The following ZMAT3 variants were observed in gnomAD, a reference collection of about 807,000 sequenced individuals.
ZMAT3 encodes zinc finger matrin-type protein 3.
In ZMAT3, 17 loss-of-function variants were observed where a neutral mutation model predicts 32.3. That is an observed-to-expected ratio of 0.53 (90% CI 0.36 to 0.79). The LOEUF (loss-of-function observed/expected upper bound fraction) is 0.79. ZMAT3 is among the 30% of genes least tolerant of loss of function. The pLI is 0.00. For missense variants in ZMAT3, 329 were observed against 359.7 expected, an observed-to-expected ratio of 0.91 and a Z score of 0.69; for synonymous variants, 120 against 133.1, an observed-to-expected ratio of 0.90 and a Z score of 0.68.
Position 179,024,935 on chromosome 3 carries a change from TCA to T in ZMAT3, c.*80_*81del. On this transcript the variant is annotated 3_prime_UTR_variant, in exon 6 of 6. Transcript: ENST00000311417. ...CATTAAGCAGAGGAATGTACTCATATCAAAAAGACCACAAAGCAGGGCAAGTT... is the reference window on the plus strand; with the variant it reads ...CATTAAGCAGAGGAATGTACTCATATAAAAGACCACAAAGCAGGGCAAGTT... 7.6e-7 allele frequency: 1 copy of T among 1,315,610 alleles called. No homozygotes were observed. Among genetic ancestry groups the T allele is most frequent in the South Asian group, 1.2e-5 (1 of 84,252 alleles). The allele number at this position is 1,315,610 out of a possible 1,614,324, so 81.5% of individuals were successfully genotyped here.
rs138247427 is a variant in ZMAT3, at chr3:179,070,246, T to C, written c.-58+1349A>G. Among the ~76,000 whole-genome samples, 670 of 152,328 alleles carry C rather than the reference T, an allele frequency of 4.4e-3. 1 individual carries two copies. The highest frequency in any genetic ancestry group is 0.016 in the African/African-American group (647 of 41,558). ...TTTCACTTGAGGAAATTCTAGCATGTGTCTCCCCCAGTGTTATCTACAGGT... is the reference window on the plus strand; with the variant it reads ...TTTCACTTGAGGAAATTCTAGCATGCGTCTCCCCCAGTGTTATCTACAGGT... On this transcript the variant is annotated intron_variant, in intron 1 of 5. Coordinates refer to ENST00000311417, the MANE Select transcript of ZMAT3 (RefSeq NM_022470.4).
At chr3:179,052,588 G>C (rs943052196) in intron 2 of ZMAT3, among the ~76,000 whole-genome samples, 1 of 152,266 alleles carries the variant, frequency 6.6e-6, no homozygotes, top group Admixed American at 6.5e-5. Context: ...ACAGTGTGGA[G>C]ATTCCTTCCT....
rs572254561 is a variant in ZMAT3, at chr3:179,038,720, G to A, written c.271-7721C>T. Among the ~76,000 whole-genome samples, 4 of 152,290 alleles carry A rather than the reference G, an allele frequency of 2.6e-5. No homozygotes were observed. The East Asian group carries it at 5.8e-4, about 22-fold the overall frequency. On this transcript the variant is annotated intron_variant, in intron 2 of 5. Transcript: ENST00000311417. ...CTCACTGGGACTGGTTGTACAGTGG[G>A]TGCAGCCCACAGAGGACGAACTGAA...
intron 2 of ZMAT3, among the ~76,000 whole-genome samples, chr3:179,055,489 C>A (rs1274953531): frequency 6.8e-6 from 1 of 146,784 alleles, no homozygotes; most frequent in Admixed American, 6.8e-5. Flanking sequence ...CTCCCCGACT[C>A]CTTCCTCAAC....
At chr3:179,031,225 G>T (rs1719166860) in intron 2 of ZMAT3, among the ~76,000 whole-genome samples, 1 of 149,948 alleles carries the variant, frequency 6.7e-6, no homozygotes, top group African/African-American at 2.4e-5. Flanking sequence ...CTTTCTCCTG[G>T]GTTATGTATG....
chr3:179,031,924 A>C (rs113579844), intron 2 of ZMAT3, among the ~76,000 whole-genome samples: 21,704 of 29,716 alleles, frequency 0.73, 8,402 homozygotes, highest in East Asian at 0.9. Flanking sequence ...AAAAAAAAAA[A>C]CTCTCCCTCT....
intron 2 of ZMAT3, among the ~76,000 whole-genome samples, chr3:179,049,916 T>C (rs947892491): frequency 4.6e-5 from 6 of 130,370 alleles, no homozygotes; most frequent in African/African-American, 1.8e-4. Context: ...GGCATGAACC[T>C]GGGAGGCAGA....
intron 1 of ZMAT3, among the ~76,000 whole-genome samples, chr3:179,069,775 T>C (rs1019955736): frequency 1.2e-4 from 19 of 152,204 alleles, no homozygotes; most frequent in African/African-American, 4.3e-4. Context: ...AATTTAACAA[T>C]ACTTCTCATT....
intron 2 of ZMAT3, among the ~76,000 whole-genome samples, chr3:179,032,264 G>A (rs531649372): frequency 1.7e-4 from 26 of 151,832 alleles, no homozygotes; most frequent in South Asian, 1.3e-3. Context: ...TCGGCCTCCC[G>A]AGGTGCCGGG....
chr3:179,035,973 G>A (rs1719568796), intron 2 of ZMAT3, among the ~76,000 whole-genome samples: 1 of 152,134 alleles, frequency 6.6e-6, no homozygotes, highest in East Asian at 1.9e-4. Flanking sequence ...GTGTTGAGGG[G>A]CTACAAGGAG....
intron 2 of ZMAT3, among the ~76,000 whole-genome samples, chr3:179,050,129 G>C (rs1476743174): frequency 6.7e-6 from 1 of 149,390 alleles, no homozygotes; most frequent in Non-Finnish European, 1.5e-5. Flanking sequence ...GTCAAGATCA[G>C]AACAGAACTA....
intron 2 of ZMAT3, among the ~76,000 whole-genome samples, chr3:179,033,871 T>C (rs1022520902): frequency 6.6e-6 from 1 of 152,208 alleles, no homozygotes; most frequent in Non-Finnish European, 1.5e-5. Flanking sequence ...TGCCCCCAGC[T>C]CCCTTCTCAA....
chr3:179,064,735 C>T (rs993417795), intron 2 of ZMAT3, among the ~76,000 whole-genome samples: 1 of 152,186 alleles, frequency 6.6e-6, no homozygotes, highest in Non-Finnish European at 1.5e-5. Flanking sequence ...CTGGCCTGGT[C>T]TTAGCCTTGT....
intron 2 of ZMAT3, among the ~76,000 whole-genome samples, chr3:179,048,206 G>T (rs1426241096): frequency 6.6e-6 from 1 of 152,208 alleles, no homozygotes; most frequent in African/African-American, 2.4e-5. Context: ...TCCTGAGGAA[G>T]AAGAGAAATC....
At chr3:179,039,331 G>C (rs185127629) in intron 2 of ZMAT3, among the ~76,000 whole-genome samples, 1 of 152,182 alleles carries the variant, frequency 6.6e-6, no homozygotes, top group Non-Finnish European at 1.5e-5. Context: ...ACCTCATATA[G>C]ATGGGTGCCC....
In ZMAT3 at chr3:179,022,762, A is replaced by C. The variant is rs1718615923; in HGVS notation, c.*2255T>G. 1 of 152,184 alleles carries C rather than the reference A, an allele frequency of 6.6e-6. No individual in the cohort carries two copies. 9.4% of individuals were successfully genotyped at this position (152,184 alleles called of 1,614,324 possible). A position where few individuals can be genotyped will look rare whatever the true frequency, so the allele number is the denominator to read the frequency against. ...AAGTTACAAAATAATTCTACTTCTC[A>C]AAGAACCACCACTTCAAGAGAAGAC... is the stretch of plus-strand genomic sequence containing the variant. On this transcript the variant is annotated 3_prime_UTR_variant, in exon 6 of 6. Transcript: ENST00000311417.
intron 3 of ZMAT3, among the ~76,000 whole-genome samples, chr3:179,029,022 T>C (rs1179634563): frequency 1.3e-5 from 2 of 152,066 alleles, no homozygotes; most frequent in African/African-American, 4.8e-5. Context: ...TAGCTGGGCA[T>C]GGTGGCAGGC....
chr3:179,067,275 G>GT (rs202149066), intron 2 of ZMAT3, among the ~76,000 whole-genome samples: 3,182 of 152,334 alleles, frequency 0.021, 113 homozygotes, highest in African/African-American at 0.072. Flanking sequence ...ACAGCTTAGT[G>GT]TAACAGGTTG....
At chr3:179,026,177 A>T (rs1718857071) in intron 5 of ZMAT3, among the ~76,000 whole-genome samples, 1 of 152,052 alleles carries the variant, frequency 6.6e-6, no homozygotes, top group African/African-American at 2.4e-5. Context: ...TTTGTTGTTG[A>T]CATCTCATTT....
Sources: allele counts gnomAD v4.1 joint callset (sites outside exome capture counted in the v4.1 genomes callset), GRCh38; gene constraint gnomAD v4.1.1; transcripts MANE v1.5; gene names NCBI Gene and HGNC (gene_info 2026-07-23, HGNC 2026-07-21).